The following SLC36A1 variants were observed in gnomAD, a reference collection of about 807,000 sequenced individuals.
SLC36A1 encodes proton-coupled amino acid transporter 1.
SLC36A1 carries 30 observed loss-of-function variants against 47.5 expected under a neutral mutation model. The observed-to-expected ratio is 0.63, with a 90% CI of 0.47 to 0.86. The LOEUF (loss-of-function observed/expected upper bound fraction) is 0.86. Among genes scored for constraint, SLC36A1 ranks in the 40% least tolerant of loss-of-function variants. The pLI is 0.00. For missense variants in SLC36A1, 517 were observed against 606.0 expected, an observed-to-expected ratio of 0.85 and a Z score of 1.54; for synonymous variants, 255 against 249.7, an observed-to-expected ratio of 1.02 and a Z score of -0.20.
chr5:151,427,841 GACAGTT>G, the SLC36A1 span, among the ~76,000 whole-genome samples: 1 of 152,208 alleles, frequency 6.6e-6, no homozygotes, highest in Admixed American at 6.5e-5. Flanking sequence ...AGGGTTGAAG[GACAGTT>G]ACATTATTTT....
chr5:151,355,182 C>G, the SLC36A1 span, among the ~76,000 whole-genome samples: 1 of 152,006 alleles, frequency 6.6e-6, no homozygotes, highest in Non-Finnish European at 1.5e-5. Context: ...GGAATTCTTT[C>G]CAAAATTTTT....
At chr5:151,472,801 A>G (rs1429196609) in intron 7 of SLC36A1, among the ~76,000 whole-genome samples, 2 of 152,274 alleles carry the variant, frequency 1.3e-5, no homozygotes, top group Non-Finnish European at 2.9e-5. Flanking sequence ...AATTAAAATT[A>G]AAATTTTTTC....
the SLC36A1 span, chr5:151,531,544 C>T: frequency 6.2e-7 from 1 of 1,608,206 alleles, no homozygotes; most frequent in Non-Finnish European, 8.5e-7. This position sits in a 1 kb window ranked among gnomAD's most constrained non-coding sequence, Gnocchi z 5.7. Context: ...CTCCCAGAAA[C>T]CCTGTACGCG....
chr5:151,546,379 A>G, the SLC36A1 span: 1 of 1,485,872 alleles, frequency 6.7e-7, no homozygotes, highest in South Asian at 1.2e-5. Context: ...CACACCCTCG[A>G]CAGGTATCAG....
chr5:151,416,647 G>A, the SLC36A1 span, among the ~76,000 whole-genome samples: 1 of 105,780 alleles, frequency 9.5e-6, no homozygotes, highest in Non-Finnish European at 2.1e-5. Context: ...CTGTTGTCAG[G>A]GTGTCAGGGT....
At chr5:151,538,386 G>A in the SLC36A1 span, among the ~76,000 whole-genome samples, 16 of 152,144 alleles carry the variant, frequency 1.1e-4, no homozygotes, top group South Asian at 2.1e-4. Flanking sequence ...CCTCTGTGGC[G>A]AGGCCATGCT....
chr5:151,470,184 T>G lies in SLC36A1; in HGVS notation c.723+2259T>G, dbSNP rs569267482. ...ACAAGGAAGGGTAAATATTTACCCA[T>G]GATTTCATGTTGTAATTAGAACTCT... On this transcript the variant is annotated intron_variant, in intron 7 of 10. Transcript: ENST00000243389. Among the ~76,000 whole-genome samples the G allele has an allele frequency of 5.3e-5, 8 of 152,346 alleles. No individual in the cohort carries two copies. In the South Asian group the frequency reaches 1.7e-3, roughly 32 times the overall value.
At chr5:151,551,790 T>C in the SLC36A1 span, among the ~76,000 whole-genome samples, 2 of 152,228 alleles carry the variant, frequency 1.3e-5, no homozygotes, top group Admixed American at 6.5e-5. Context: ...TGTCAAGTTG[T>C]TGTCAAGTTA....
the SLC36A1 span, among the ~76,000 whole-genome samples, chr5:151,426,935 C>T: frequency 6.6e-6 from 1 of 152,194 alleles, no homozygotes; most frequent in East Asian, 1.9e-4. Context: ...TTTAACAAAG[C>T]ACATCCTGCA....
rs148162124 is a variant in SLC36A1 at position 151,487,904 on chromosome 5, C to A, written c.1160-79C>A. 3.0e-4 allele frequency: 458 copies of A among 1,509,750 alleles called. 3 individuals carry two copies. In the East Asian group the frequency reaches 7.0e-3, roughly 23 times the overall value. 93.5% of individuals were successfully genotyped at this position (1,509,750 alleles called of 1,614,324 possible). A position where few individuals can be genotyped will look rare whatever the true frequency, so the allele number is the denominator to read the frequency against. On this transcript the variant is annotated intron_variant, in intron 10 of 10. Coordinates refer to ENST00000243389, the MANE Select transcript of SLC36A1 (RefSeq NM_078483.4). ...CTCAATCCTATAAGATGGACAGATG[C>A]TGAATTCGCTCAACAGTAGGGAGAC...
the SLC36A1 span, among the ~76,000 whole-genome samples, chr5:151,429,194 T>G: frequency 6.6e-6 from 1 of 152,066 alleles, no homozygotes; most frequent in Admixed American, 6.5e-5. Flanking sequence ...ATTTTTTTAT[T>G]TTTATTTTTT....
the SLC36A1 span, among the ~76,000 whole-genome samples, chr5:151,350,606 C>A: frequency 6.6e-6 from 1 of 152,014 alleles, no homozygotes; most frequent in Non-Finnish European, 1.5e-5. Context: ...TCATTTCTCT[C>A]CATTAAAAAC....
chr5:151,356,712 T>C, the SLC36A1 span, among the ~76,000 whole-genome samples: 1 of 152,352 alleles, frequency 6.6e-6, no homozygotes, highest in East Asian at 1.9e-4. Context: ...AGTTTACCTC[T>C]GGGCATTCAG....
chr5:151,466,129 G>C (rs1000177480), intron 5 of SLC36A1, among the ~76,000 whole-genome samples: 1 of 152,140 alleles, frequency 6.6e-6, no homozygotes, highest in Admixed American at 6.5e-5. Context: ...ACCATGAGTT[G>C]GGTGGTTGTT....
chr5:151,520,756 A>G, the SLC36A1 span, among the ~76,000 whole-genome samples: 1 of 152,236 alleles, frequency 6.6e-6, no homozygotes, highest in African/African-American at 2.4e-5. Context: ...CTAGGGTTTG[A>G]ACCTGAGCTG....
chr5:151,354,331 G>T, the SLC36A1 span, among the ~76,000 whole-genome samples: 929 of 152,206 alleles, frequency 6.1e-3, 6 homozygotes, highest in Non-Finnish European at 0.011. Context: ...AACAAATTAA[G>T]CTACTATAAA....
the SLC36A1 span, chr5:151,534,459 G>T: frequency 1.2e-6 from 2 of 1,613,894 alleles, no homozygotes; most frequent in African/African-American, 1.3e-5. Context: ...CTTCACTGTG[G>T]TGTTGTCGAA....
chr5:151,473,285 G>T (rs756922263), intron 7 of SLC36A1, among the ~76,000 whole-genome samples: 1 of 152,164 alleles, frequency 6.6e-6, no homozygotes, highest in Non-Finnish European at 1.5e-5. Flanking sequence ...CCCTTGTTTG[G>T]AAGCACTTAT....
the SLC36A1 span, among the ~76,000 whole-genome samples, chr5:151,360,852 C>T: frequency 6.6e-6 from 1 of 152,180 alleles, no homozygotes; most frequent in South Asian, 2.1e-4. Context: ...CATCTCCATC[C>T]AGTCATCTTT....
Sources: gnomAD v4.1 joint callset for allele counts (sites outside exome capture counted in the v4.1 genomes callset) on GRCh38, gnomAD v4.1.1 for gene constraint, Gnocchi (gnomAD v3.1) non-coding constraint, MANE v1.5 for transcripts, NCBI Gene and HGNC (gene_info 2026-07-23, HGNC 2026-07-21) for gene names.